COL5A3: variants seen among roughly 807,000 people sequenced by gnomAD.
The protein encoded by COL5A3 is collagen alpha-3(V) chain.
Under a neutral mutation model 250.0 loss-of-function variants are expected in COL5A3, and 172 were observed. The observed-to-expected ratio is 0.69, with a 90% CI of 0.61 to 0.78. The LOEUF (loss-of-function observed/expected upper bound fraction) is 0.78. Ranked by LOEUF, COL5A3 falls within the 30% of genes least tolerant of loss-of-function variation. The pLI, the probability that COL5A3 is intolerant of heterozygous loss-of-function variation, is 0.00. For missense variants in COL5A3, 2,340 were observed against 2,334.4 expected (o/e 1.00, Z -0.05); for synonymous variants, 937 against 900.4 (o/e 1.04, Z -0.73).
At chr19:9,982,173 G>C (rs2087021314) in intron 31 of COL5A3, 55 bp from the exon 32 acceptor site, 1 of 1,281,426 alleles carries the variant, frequency 7.8e-7, no homozygotes, top group African/African-American at 1.5e-5. Context: ...GTGGTGGGTG[G>C]AATTGGCCCC....
chr19:9,962,766 G>C, intron 65 of COL5A3, 53 bp downstream of exon 65: 1 of 1,418,112 alleles, frequency 7.1e-7, no homozygotes, highest in Non-Finnish European at 9.8e-7. Context: ...AAACCCCCCT[G>C]CTGGTTCCCA....
chr19:9,978,831 T>G, intron 40 of COL5A3, 60 bp downstream of exon 40: 1 of 563,888 alleles, frequency 1.8e-6, no homozygotes, highest in Non-Finnish European at 2.8e-6. Context: ...ATCCCTCCCC[T>G]GACCCCCCCA....
intron 11 of COL5A3, chr19:9,996,942 C>T (rs73005199): frequency 0.013 from 6,891 of 548,198 alleles, 69 homozygotes; most frequent in South Asian, 0.022. Context: ...GATGGAGAGA[C>T]ATACAGAGAC....
chr19:9,962,099 A>G (rs2086682133), intron 65 of COL5A3, among the ~76,000 whole-genome samples: 1 of 151,416 alleles, frequency 6.6e-6, no homozygotes, highest in Non-Finnish European at 1.5e-5. Flanking sequence ...AATACAAAAT[A>G]TCTTAATAAT....
rs1468298726 is a variant in COL5A3 at position 9,986,407 on chromosome 19, G to A, written c.2260C>T (p.Pro754Ser). ...GGACCATCCTCTCCCCGGGGACCTG[G>A]AGCTCCGGGTTTCCCCTGGAAGAAA... ...LKGDQGKPGA[P>S]GPRGEDGPEG... Residue 754 changes from proline (P) to serine (S), a missense_variant, in exon 30 of 67, where the codon CCA (proline) becomes TCA (serine). Around this residue, in one of 3 missense-constraint regions of COL5A3, gnomAD observed 1,152 missense variants for 1,146.3 expected, o/e 1.00. Transcript: ENST00000264828. The A allele has an allele frequency of 4.3e-6, 7 of 1,612,422 alleles. No homozygotes were observed. The highest frequency in any genetic ancestry group is 5.9e-6 in the Non-Finnish European group (7 of 1,179,916).
Position 9,982,134 on chromosome 19 carries a change from T to G in COL5A3, c.2407-16A>C, listed in dbSNP as rs754858471. 6.3e-7 allele frequency: 1 copy of G among 1,578,860 alleles called. No homozygotes were observed. The highest frequency in any genetic ancestry group is 1.2e-5 in the South Asian group (1 of 86,846). ...CAATAGATCCCTGAGTGGAGAGAAT[T>G]AGAAAGAAGACATGAGGGTGAGGAG... On this transcript the variant is annotated splice_polypyrimidine_tract_variant and intron_variant, in intron 31 of 66. Transcript: ENST00000264828.
chr19:9,973,527 T>C, intron 50 of COL5A3, 43 bp downstream of exon 50: 1 of 1,580,648 alleles, frequency 6.3e-7, no homozygotes, highest in African/African-American at 1.3e-5. Flanking sequence ...GGGTCAGGGG[T>C]TCCCTGAGTT....
rs1364218406 is a variant in COL5A3 at position 9,961,659 on chromosome 19, C to T, written c.4852-769G>A. ...CTGCAAGCTCCGCCTCCCGGGTTCA[C>T]GCCTTTCTCCTGCCTCAGCCTCCCA... On this transcript the variant is annotated intron_variant, in intron 65 of 66. Transcript: ENST00000264828. Among the ~76,000 whole-genome samples the T allele has an allele frequency of 3.3e-5, 5 of 150,948 alleles. No individual in the cohort carries two copies. The South Asian group carries it at 6.3e-4, about 19-fold the overall frequency.
At chr19:9,993,829 A>G in intron 16 of COL5A3, 23 bp from the exon 17 acceptor site, 4 of 1,612,694 alleles carry the variant, frequency 2.5e-6, no homozygotes, top group Non-Finnish European at 3.4e-6. Context: ...TAAGCCCAAG[A>G]GTCAAGGATG....
At chr19:9,999,850 C>T (rs1257249971) in intron 8 of COL5A3, among the ~76,000 whole-genome samples, 1 of 152,076 alleles carries the variant, frequency 6.6e-6, no homozygotes, top group East Asian at 1.9e-4. Context: ...CTTCCTGAAG[C>T]CTCCACCTCC....
chr19:10,009,720 A>G lies in COL5A3; in HGVS notation c.88+578T>C, dbSNP rs2087498718. On this transcript the variant is annotated intron_variant, in intron 1 of 66. Transcript: ENST00000264828. The surrounding 1 kb of genome is among the most constrained non-coding windows in gnomAD (Gnocchi z 4.4). Reference sequence around the variant, plus strand: ...AGCCATTTAAAGAGACGCAAAGGAAACTGTGGGTTCCCGAAGAGCACCCCC... The same window carrying G: ...AGCCATTTAAAGAGACGCAAAGGAAGCTGTGGGTTCCCGAAGAGCACCCCC... Among the ~76,000 whole-genome samples, 2 of 152,020 alleles carry G rather than the reference A, an allele frequency of 1.3e-5. No individual in the cohort carries two copies. Among genetic ancestry groups the G allele is most frequent in the South Asian group, 4.1e-4 (2 of 4,828 alleles).
At position 9,969,680 on chromosome 19, in the gene COL5A3, C is replaced by A. The variant is rs1230962559; in HGVS notation, c.3993G>T (p.Gly1331=). ...EGREGEKGAK[G]EPGPDGPPGR... ...CTGGGGGCCCATCAGGACCTGGCTC[C>A]CCCTGAAATGGACACAGGCAAGGGA... The change falls in exon 56 of 67, where the codon GGG becomes GGT. Residue 1331 remains glycine (G), a splice_region_variant and synonymous_variant. Coordinates refer to ENST00000264828, the MANE Select transcript of COL5A3 (RefSeq NM_015719.4). 1 of 1,587,606 alleles carries A rather than the reference C, an allele frequency of 6.3e-7. No individual in the cohort carries two copies. The highest frequency in any genetic ancestry group is 8.5e-7 in the Non-Finnish European group (1 of 1,172,636).
At position 10,004,152 on chromosome 19, in the gene COL5A3, G is replaced by T. The variant is rs369143857; in HGVS notation, c.595-7C>A. ...GCAGCTCCTGAATGTCTCCCTGGGGGTTGGGGGTGTAGGAGTCAAGGAGGG... is the reference window on the plus strand; with the variant it reads ...GCAGCTCCTGAATGTCTCCCTGGGGTTTGGGGGTGTAGGAGTCAAGGAGGG... On this transcript the variant is annotated splice_polypyrimidine_tract_variant and splice_region_variant and intron_variant, in intron 4 of 66. Coordinates refer to ENST00000264828, the MANE Select transcript of COL5A3 (RefSeq NM_015719.4). 4 of 1,609,468 alleles carry T rather than the reference G, an allele frequency of 2.5e-6. No homozygotes were observed. The highest frequency in any genetic ancestry group is 3.4e-6 in the Non-Finnish European group (4 of 1,175,938).
intron 31 of COL5A3, among the ~76,000 whole-genome samples, chr19:9,984,505 T>C (rs1223544893): frequency 6.6e-6 from 1 of 152,246 alleles, no homozygotes; most frequent in Non-Finnish European, 1.5e-5. Context: ...CTATAAGTTA[T>C]AATTAATTCA....
Position 9,968,780 on chromosome 19 carries a change from C to T in COL5A3, c.4153-52G>A. 4 of 1,509,578 alleles carry T rather than the reference C, an allele frequency of 2.6e-6. No individual in the cohort carries two copies. The highest frequency in any genetic ancestry group is 1.7e-4 in the Middle Eastern group (1 of 5,876). 93.5% of individuals were successfully genotyped at this position (1,509,578 alleles called of 1,614,324 possible). On this transcript the variant is annotated intron_variant, in intron 57 of 66. Coordinates refer to ENST00000264828, the MANE Select transcript of COL5A3 (RefSeq NM_015719.4). The surrounding 1 kb of genome is among the most constrained non-coding windows in gnomAD (Gnocchi z 4.1). ...GGATTCTCAAATGTGAACTCGAGGT[C>T]TGTGTGGGTGGTTAGGGGATGGTCA...
chr19:9,965,697 C>T (rs1250943869), intron 64 of COL5A3, among the ~76,000 whole-genome samples: 1 of 97,584 alleles, frequency 1.0e-5, no homozygotes, highest in Non-Finnish European at 2.3e-5. Context: ...AGGTGATCTG[C>T]CCCCGCTTGG....
At chr19:10,007,919 TTCTC>T (rs141005538) in intron 1 of COL5A3, among the ~76,000 whole-genome samples, 45 of 149,726 alleles carry the variant, frequency 3.0e-4, no homozygotes, top group African/African-American at 1.0e-3. Flanking sequence ...CCAAGTCTCT[TTCTC>T]TCTCTCTCTC....
rs2303099 is a variant in COL5A3 at position 10,005,699 on chromosome 19, G to T, written c.453C>A (p.Ala151=). 0.54 allele frequency: 869,006 copies of T among 1,609,476 alleles called. 237,738 individuals carry two copies. Among genetic ancestry groups the T allele is most frequent in the South Asian group, 0.7 (63,702 of 90,800 alleles). Residue 151 remains alanine (A), a synonymous_variant, in exon 4 of 67, where the codon GCC becomes GCA. Coordinates refer to ENST00000264828, the MANE Select transcript of COL5A3 (RefSeq NM_015719.4). The part of the protein sequence containing the change: ...NLTDGRWHRV[A]VSIDGEMVTL... ...TCACCATCTCACCATCTATGCTGACGGCCACACGGTGCCACCTGCAAGGGG... is the reference window on the plus strand; with the variant it reads ...TCACCATCTCACCATCTATGCTGACTGCCACACGGTGCCACCTGCAAGGGG...
chr19:9,961,559 ATT>A (rs61153479), intron 65 of COL5A3, among the ~76,000 whole-genome samples: 6 of 126,184 alleles, frequency 4.8e-5, no homozygotes, highest in Non-Finnish European at 3.3e-5. Flanking sequence ...ACTTCATTTA[ATT>A]TTTTTTTTTT....
Sources: gnomAD v4.1 joint callset for allele counts (sites outside exome capture counted in the v4.1 genomes callset) on GRCh38, gnomAD v4.1.1 for gene constraint, gnomAD v4.1.1 regional missense constraint, Gnocchi (gnomAD v3.1) non-coding constraint, MANE v1.5 for transcripts, NCBI Gene and HGNC (gene_info 2026-07-23, HGNC 2026-07-21) for gene names.